The following NLGN1 variants were observed in gnomAD, a reference collection of about 807,000 sequenced individuals.
The protein encoded by NLGN1 is neuroligin-1.
Under a neutral mutation model 65.5 loss-of-function variants are expected in NLGN1, and 12 were observed. That is an observed-to-expected ratio of 0.18 (90% CI 0.12 to 0.30). The LOEUF is 0.30. Ranked by LOEUF, NLGN1 falls within the 10% of genes least tolerant of loss-of-function variation. The probability of loss-of-function intolerance (pLI) is 1.00; values close to 1 mark genes in which losing one functional copy is unlikely to be tolerated. For synonymous variants in NLGN1, 350 were observed against 359.5 expected (o/e 0.97, Z 0.30); for missense variants, 750 against 1,007.1 (o/e 0.74, Z 3.46).
chr3:173,659,806 C>CA (rs1247159410), intron 3 of NLGN1, among the ~76,000 whole-genome samples: 5 of 151,524 alleles, frequency 3.3e-5, no homozygotes, highest in African/African-American at 1.2e-4. Flanking sequence ...GTGGTTTCTT[C>CA]ACTGCTTTCA....
chr3:173,714,675 G>A (rs1389073745), intron 3 of NLGN1, among the ~76,000 whole-genome samples: 2 of 152,266 alleles, frequency 1.3e-5, no homozygotes, highest in East Asian at 1.9e-4. Flanking sequence ...CTAGGAGAAT[G>A]AGATTTAACT....
At chr3:174,030,718 C>T (rs769127012) in intron 4 of NLGN1, among the ~76,000 whole-genome samples, 1 of 152,054 alleles carries the variant, frequency 6.6e-6, no homozygotes, top group Non-Finnish European at 1.5e-5. Flanking sequence ...AAAATAACAA[C>T]AAAATTTTGG....
At chr3:173,652,540 C>T (rs1000132935) in intron 3 of NLGN1, among the ~76,000 whole-genome samples, 2 of 152,064 alleles carry the variant, frequency 1.3e-5, no homozygotes, top group Admixed American at 6.6e-5. Context: ...ACGTTTTTGT[C>T]AATCTGTTGG....
chr3:173,812,737 C>T (rs545953905), intron 4 of NLGN1, among the ~76,000 whole-genome samples: 2 of 138,030 alleles, frequency 1.4e-5, no homozygotes, highest in South Asian at 4.6e-4. Context: ...CACGCACACA[C>T]ATACTATATA....
At position 173,818,895 on chromosome 3, in the gene NLGN1, C is replaced by CTTTTTTTTTT. The variant is rs200212547; in HGVS notation, c.646+11070_646+11079dup. Among the ~76,000 whole-genome samples, 101 of 92,386 alleles carry CTTTTTTTTTT rather than the reference C, an allele frequency of 1.1e-3. 20 individuals carry two copies. The highest frequency in any genetic ancestry group is 3.6e-3 in the African/African-American group (76 of 21,220). 60.6% of individuals were successfully genotyped at this position (92,386 alleles called of 152,430 possible). On this transcript the variant is annotated intron_variant, in intron 4 of 6. Transcript: ENST00000457714. Reference sequence around the variant, plus strand: ...AATTTTGTTCTGCCTTTGAATAGTTCTTTTTTTTTTTTTTTTCCAGTAAGG... The same window carrying CTTTTTTTTTT: ...AATTTTGTTCTGCCTTTGAATAGTTCTTTTTTTTTTTTTTTTTTTTTTTTTTCCAGTAAGG...
At chr3:173,568,294 C>T (rs2149321195) in intron 2 of NLGN1, among the ~76,000 whole-genome samples, 1 of 148,988 alleles carries the variant, frequency 6.7e-6, no homozygotes, top group South Asian at 2.1e-4. Context: ...CCCAGGCTGG[C>T]AATTTCTTGG....
At chr3:173,971,685 C>T (rs1299928846) in intron 4 of NLGN1, among the ~76,000 whole-genome samples, 1 of 152,018 alleles carries the variant, frequency 6.6e-6, no homozygotes, top group Non-Finnish European at 1.5e-5. Context: ...TCTTGGGCTT[C>T]CTCGGGACCA....
chr3:173,982,555 A>C (rs1442936149), intron 4 of NLGN1, among the ~76,000 whole-genome samples: 1 of 152,182 alleles, frequency 6.6e-6, no homozygotes, highest in African/African-American at 2.4e-5. Flanking sequence ...GAATAAGGGC[A>C]GTTAACTCTA....
chr3:174,268,607 A>G (rs549641), intron 4 of NLGN1, among the ~76,000 whole-genome samples: 104,500 of 151,970 alleles, frequency 0.69, 36,752 homozygotes, highest in African/African-American at 0.83. Flanking sequence ...TTTGGGGGAA[A>G]GAGTTACAAG....
chr3:173,539,657 G>GTACATATGCACATATATACATATA (rs1362050556), intron 2 of NLGN1, among the ~76,000 whole-genome samples: 1 of 124,274 alleles, frequency 8.0e-6, no homozygotes, highest in African/African-American at 3.3e-5. Flanking sequence ...TATAACATAT[G>GTACATATGCACATATATACATATA]TGTATATATG....
chr3:174,218,861 G>A (rs560849883), intron 4 of NLGN1, among the ~76,000 whole-genome samples: 1 of 152,080 alleles, frequency 6.6e-6, no homozygotes, highest in Admixed American at 6.5e-5. Context: ...TATTGTTTGG[G>A]AGCATGTCTT....
chr3:174,164,146 G>A (rs1727090184), intron 4 of NLGN1, among the ~76,000 whole-genome samples: 1 of 151,946 alleles, frequency 6.6e-6, no homozygotes, highest in Non-Finnish European at 1.5e-5. Flanking sequence ...CTGGTGTGAG[G>A]TAGTGTCTTA....
intron 4 of NLGN1, among the ~76,000 whole-genome samples, chr3:174,119,829 A>G (rs952105029): frequency 5.9e-5 from 9 of 152,196 alleles, no homozygotes; most frequent in African/African-American, 1.7e-4. Flanking sequence ...TCACATAATA[A>G]AATTCTACCT....
downstream of NLGN1, among the ~76,000 whole-genome samples, chr3:174,291,035 A>T (rs1168304535): frequency 1.3e-5 from 2 of 150,804 alleles, no homozygotes; most frequent in Admixed American, 6.6e-5. Context: ...AGAAAAAATA[A>T]TTTTTTAAAT....
chr3:174,057,991 T>C (rs928486222), intron 4 of NLGN1: 9 of 152,070 alleles, frequency 5.9e-5, no homozygotes, highest in Non-Finnish European at 5.9e-5. Context: ...TGGCATAGGT[T>C]ATGATTTTGA....
rs751041096 is a variant in NLGN1, at chr3:173,792,820, C to T, written c.494-14860C>T. Among the ~76,000 whole-genome samples the T allele has an allele frequency of 4.6e-5, 7 of 152,166 alleles. No individual in the cohort carries two copies. The East Asian group carries it at 7.7e-4, about 17-fold the overall frequency. ...GTTTAAATTACATTAATCTGCACTGCGTTTTTAAAAATGTATTTTAAATGA... is the reference window on the plus strand; with the variant it reads ...GTTTAAATTACATTAATCTGCACTGTGTTTTTAAAAATGTATTTTAAATGA... On this transcript the variant is annotated intron_variant, in intron 3 of 6. Transcript: ENST00000457714.
chr3:173,672,613 G>A (rs757994604), intron 3 of NLGN1, among the ~76,000 whole-genome samples: 1 of 152,214 alleles, frequency 6.6e-6, no homozygotes, highest in Non-Finnish European at 1.5e-5. Context: ...GGAGAGCCAT[G>A]TAGATTGCCT....
chr3:174,089,796 C>A (rs1453969346), intron 4 of NLGN1, among the ~76,000 whole-genome samples: 1 of 152,148 alleles, frequency 6.6e-6, no homozygotes. Context: ...AAGTAATTCT[C>A]TCACTGATGG....
intron 3 of NLGN1, among the ~76,000 whole-genome samples, chr3:173,741,331 A>T (rs1267505258): frequency 6.6e-6 from 1 of 152,110 alleles, no homozygotes; most frequent in African/African-American, 2.4e-5. Context: ...AATTGATATT[A>T]TAGACTTAAC....
Sources: gnomAD v4.1 joint callset for allele counts (sites outside exome capture counted in the v4.1 genomes callset) on GRCh38, gnomAD v4.1.1 for gene constraint, MANE v1.5 for transcripts, NCBI Gene and HGNC (gene_info 2026-07-23, HGNC 2026-07-21) for gene names.